NR6A1: variants seen among roughly 807,000 people sequenced by gnomAD.
NR6A1 encodes the protein nuclear receptor subfamily 6 group A member 1, also known as retinoic acid receptor-related testis-associated receptor.
In NR6A1, 7 loss-of-function variants were observed where a neutral mutation model predicts 59.1. The ratio of observed to expected loss-of-function variants is 0.12; its 90% confidence interval spans 0.07 to 0.22. The LOEUF (loss-of-function observed/expected upper bound fraction) is 0.22, where lower values mean the gene tolerates loss of function less well. Among genes scored for constraint, NR6A1 ranks in the 10% least tolerant of loss-of-function variants. The pLI, the probability that NR6A1 is intolerant of heterozygous loss-of-function variation, is 1.00. For missense variants in NR6A1, 468 were observed against 611.6 expected (o/e 0.77, Z 2.48); for synonymous variants, 243 against 236.1 (o/e 1.03, Z -0.27).
intron 3 of NR6A1, among the ~76,000 whole-genome samples, chr9:124,548,823 T>C (rs1833685247): frequency 6.6e-6 from 1 of 152,188 alleles, no homozygotes; most frequent in Non-Finnish European, 1.5e-5. Context: ...TTTTTCACAG[T>C]TACTTAACTA....
chr9:124,611,774 A>AGAGAGAAG (rs1554733163), intron 2 of NR6A1, among the ~76,000 whole-genome samples: 1 of 105,666 alleles, frequency 9.5e-6, no homozygotes, highest in Admixed American at 1.1e-4. Flanking sequence ...AGAGAGAGAG[A>AGAGAGAAG]GAGAGAGAAT....
At chr9:124,683,533 C>T (rs893851161) in intron 2 of NR6A1, among the ~76,000 whole-genome samples, 2 of 152,224 alleles carry the variant, frequency 1.3e-5, no homozygotes, top group Non-Finnish European at 2.9e-5. Context: ...GTGGCTCATG[C>T]CTGTAATCCC....
At chr9:124,566,835 G>A (rs984144609) in intron 2 of NR6A1, among the ~76,000 whole-genome samples, 11 of 152,228 alleles carry the variant, frequency 7.2e-5, no homozygotes, top group Non-Finnish European at 1.0e-4. Flanking sequence ...CAGGCCGGGC[G>A]CGGTGGCTCA....
At chr9:124,637,691 C>A (rs1836650395) in intron 2 of NR6A1, among the ~76,000 whole-genome samples, 1 of 151,804 alleles carries the variant, frequency 6.6e-6, no homozygotes, top group African/African-American at 2.4e-5. Flanking sequence ...AGGAGTTCGA[C>A]ACCAGCCTAG....
chr9:124,580,425 GT>G (rs532976060), intron 2 of NR6A1, among the ~76,000 whole-genome samples: 4 of 148,636 alleles, frequency 2.7e-5, no homozygotes, highest in South Asian at 2.1e-4. Flanking sequence ...ATGAAAGAAG[GT>G]TTTTTTTTTG....
At chr9:124,616,556 A>C (rs1835900423) in intron 2 of NR6A1, among the ~76,000 whole-genome samples, 1 of 152,132 alleles carries the variant, frequency 6.6e-6, no homozygotes, top group African/African-American at 2.4e-5. Flanking sequence ...TCAGATCTGC[A>C]TCTATATAAA....
intron 9 of NR6A1, 45 bp downstream of exon 9, chr9:124,524,676 A>G: frequency 6.2e-7 from 1 of 1,600,490 alleles, no homozygotes; most frequent in Non-Finnish European, 8.5e-7. Context: ...TTCACAAGCT[A>G]AGAGAAGCAA....
At chr9:124,704,911 A>G (rs991195656) in intron 2 of NR6A1, among the ~76,000 whole-genome samples, 1 of 151,934 alleles carries the variant, frequency 6.6e-6, no homozygotes, top group Non-Finnish European at 1.5e-5. Flanking sequence ...AATTTCTGGT[A>G]TGTTTTTGGA....
chr9:124,700,133 A>T (rs551602865), intron 2 of NR6A1, among the ~76,000 whole-genome samples: 45 of 152,084 alleles, frequency 3.0e-4, no homozygotes, highest in Middle Eastern at 6.8e-3. Context: ...TACAGGTGTG[A>T]GTCACCACGC....
At chr9:124,635,696 G>A (rs1358112492) in intron 2 of NR6A1, among the ~76,000 whole-genome samples, 1 of 152,158 alleles carries the variant, frequency 6.6e-6, no homozygotes, top group African/African-American at 2.4e-5. Flanking sequence ...TTCGTGACAT[G>A]ACAGCATATT....
At chr9:124,720,676 A>C (rs1839536780) in intron 2 of NR6A1, among the ~76,000 whole-genome samples, 1 of 152,226 alleles carries the variant, frequency 6.6e-6, no homozygotes, top group South Asian at 2.1e-4. Context: ...TCAGGTAAAG[A>C]GGCAAAGAGT....
chr9:124,564,307 T>C (rs950733836), intron 2 of NR6A1, among the ~76,000 whole-genome samples: 2 of 152,190 alleles, frequency 1.3e-5, no homozygotes, highest in Non-Finnish European at 2.9e-5. Flanking sequence ...TGAGACTGGA[T>C]ATAACACAAG....
chr9:124,735,719 C>A (rs1461231227), intron 1 of NR6A1, among the ~76,000 whole-genome samples: 2 of 152,194 alleles, frequency 1.3e-5, no homozygotes, highest in African/African-American at 4.8e-5. Context: ...TTAGTCCATT[C>A]AGACTGCTAT....
intron 2 of NR6A1, among the ~76,000 whole-genome samples, chr9:124,681,316 G>A (rs1055287288): frequency 7.1e-6 from 1 of 141,730 alleles, no homozygotes; most frequent in Non-Finnish European, 1.5e-5. Flanking sequence ...GACAGTATTT[G>A]TTGCCAATGA....
At position 124,543,716 on chromosome 9, in the gene NR6A1, T is replaced by C. The variant is rs1833513899; in HGVS notation, c.441+86A>G. 6.0e-6 allele frequency: 6 copies of C among 1,003,680 alleles called. No individual in the cohort carries two copies. In the Admixed American group the frequency reaches 1.1e-4, roughly 18 times the overall value. The allele number at this position is 1,003,680 out of a possible 1,614,324, so 62.2% of individuals were successfully genotyped here. ...AAAGATGGCTCTCCTCAGCAGCAGA[T>C]GAAAGAGTCAAGGTGAGCAGTTTCA... is the stretch of plus-strand genomic sequence containing the variant. On this transcript the variant is annotated intron_variant, in intron 4 of 9. Transcript: ENST00000487099.
intron 2 of NR6A1, among the ~76,000 whole-genome samples, chr9:124,659,335 C>T (rs1025153389): frequency 2.0e-5 from 3 of 152,156 alleles, no homozygotes; most frequent in Admixed American, 6.5e-5. Flanking sequence ...TGCGTGCGAT[C>T]GTGACTAGAT....
rs1254016550 is a variant in NR6A1 at position 124,771,042 on chromosome 9, C to G, written c.78G>C (p.Ala26=). 8.9e-6 allele frequency: 11 copies of G among 1,230,192 alleles called. No individual in the cohort carries two copies. Among genetic ancestry groups the G allele is most frequent in the Non-Finnish European group, 1.0e-5 (10 of 986,926 alleles). 76.2% of individuals were successfully genotyped at this position (1,230,192 alleles called of 1,614,324 possible). ...GSAGFLEPPA[A]LPPPPRNGFC... is the part of the protein sequence containing the mutation. ...CACCGTTGCGCGGCGGCGGAGGGAG[C>G]GCGGCGGGAGGCTCCAGGAACCCCG... The change falls in exon 1 of 10, where the codon GCG becomes GCC. Residue 26 remains alanine, a synonymous_variant. Coordinates refer to ENST00000487099, the MANE Select transcript of NR6A1 (RefSeq NM_033334.4).
rs202100704 is a variant in NR6A1 at position 124,650,512 on chromosome 9, TC to T, written c.142+82795del. 1.4e-4 allele frequency among the ~76,000 whole-genome samples: 21 copies of T among 152,244 alleles called. 1 individual carries two copies. The East Asian group carries it at 4.1e-3, about 29-fold the overall frequency. On this transcript the variant is annotated intron_variant, in intron 2 of 9. Coordinates refer to ENST00000487099, the MANE Select transcript of NR6A1 (RefSeq NM_033334.4). Reference sequence around the variant, plus strand: ...ATACAGTTAGAGAGAAGGAATAAGTTCTAGTATTTGATAGCACAGTAGGGCA... The same window carrying T: ...ATACAGTTAGAGAGAAGGAATAAGTTTAGTATTTGATAGCACAGTAGGGCA...
At chr9:124,672,610 G>A (rs551976792) in intron 2 of NR6A1, among the ~76,000 whole-genome samples, 4 of 149,542 alleles carry the variant, frequency 2.7e-5, no homozygotes, top group South Asian at 2.1e-4. Flanking sequence ...GCGAGACTCC[G>A]TTTCAAAAAA....
Sources: gnomAD v4.1 joint callset for allele counts (sites outside exome capture counted in the v4.1 genomes callset) on GRCh38, gnomAD v4.1.1 for gene constraint, MANE v1.5 for transcripts, NCBI Gene and HGNC (gene_info 2026-07-23, HGNC 2026-07-21) for gene names.